Variants in PTPRD observed in about 807,000 individuals in gnomAD.
PTPRD encodes the protein protein tyrosine phosphatase receptor type D, also known as receptor-type tyrosine-protein phosphatase delta.
Under a neutral mutation model 214.5 loss-of-function variants are expected in PTPRD, and 34 were observed. That is an observed-to-expected ratio of 0.16 (90% CI 0.12 to 0.21). The LOEUF (loss-of-function observed/expected upper bound fraction) is 0.21, where lower values mean the gene tolerates loss of function less well. PTPRD is among the 10% of genes least tolerant of loss of function. The pLI is 1.00. For missense variants in PTPRD, 2,545 were observed against 2,398.7 expected (o/e 1.06, Z -1.27); for synonymous variants, 1,128 against 845.7 (o/e 1.33, Z -5.79).
intron 3 of PTPRD, among the ~76,000 whole-genome samples, chr9:10,194,345 T>TATATATAG (rs2099388529): frequency 2.5e-5 from 1 of 39,844 alleles, no homozygotes; most frequent in African/African-American, 7.7e-5. Flanking sequence ...TATATATATA[T>TATATATAG]AGAGAGAGAG....
intron 3 of PTPRD, among the ~76,000 whole-genome samples, chr9:10,201,356 G>GA (rs973790174): frequency 4.6e-5 from 7 of 151,698 alleles, no homozygotes; most frequent in African/African-American, 7.2e-5. Context: ...TTCAAAATTT[G>GA]AAAAAAATCT....
chr9:8,377,536 T>C, intron 37 of PTPRD, among the ~76,000 whole-genome samples: 1 of 152,052 alleles, frequency 6.6e-6, no homozygotes, highest in Non-Finnish European at 1.5e-5. Flanking sequence ...TAATGAAAAG[T>C]AACAAACACA....
chr9:10,285,169 G>A (rs536587136), intron 3 of PTPRD, among the ~76,000 whole-genome samples: 273 of 152,244 alleles, frequency 1.8e-3, no homozygotes, highest in African/African-American at 5.9e-3. Context: ...AAGTTAAAAT[G>A]TAAAATAACC....
intron 14 of PTPRD, among the ~76,000 whole-genome samples, chr9:8,569,839 T>G (rs1321304244): frequency 6.6e-6 from 1 of 152,144 alleles, no homozygotes; most frequent in Non-Finnish European, 1.5e-5. Flanking sequence ...TCCATTTGAA[T>G]TATAAATTCA....
At chr9:8,926,549 G>A (rs1379605206) in intron 11 of PTPRD, among the ~76,000 whole-genome samples, 1 of 152,090 alleles carries the variant, frequency 6.6e-6, no homozygotes, top group Admixed American at 6.6e-5. Context: ...CTTATTCACA[G>A]AGCCCAACTC....
chr9:10,588,892 T>C (rs933053712), intron 2 of PTPRD, among the ~76,000 whole-genome samples: 1 of 152,116 alleles, frequency 6.6e-6, no homozygotes, highest in Non-Finnish European at 1.5e-5. Flanking sequence ...CAGTATCTAA[T>C]ATATTTTTTC....
intron 7 of PTPRD, among the ~76,000 whole-genome samples, chr9:9,680,264 G>T (rs1313223083): frequency 6.6e-6 from 1 of 151,792 alleles, no homozygotes; most frequent in Non-Finnish European, 1.5e-5. Flanking sequence ...TACATTTTCT[G>T]ATTTGCAAGA....
chr9:9,296,056 C>T (rs558372391), intron 9 of PTPRD, among the ~76,000 whole-genome samples: 36 of 151,804 alleles, frequency 2.4e-4, no homozygotes, highest in Admixed American at 1.9e-3. Flanking sequence ...ATGATCTCAT[C>T]GGGCACATTC....
intron 2 of PTPRD, among the ~76,000 whole-genome samples, chr9:10,361,641 A>C (rs940718375): frequency 1.3e-5 from 2 of 152,212 alleles, no homozygotes; most frequent in African/African-American, 4.8e-5. Flanking sequence ...CTTGGAAAAG[A>C]AACAAAATTC....
intron 39 of PTPRD, among the ~76,000 whole-genome samples, chr9:8,359,580 T>A (rs1323441336): frequency 6.6e-6 from 1 of 152,128 alleles, no homozygotes; most frequent in Non-Finnish European, 1.5e-5. Context: ...GTACTCCACC[T>A]GCCTCAGCCT....
At chr9:9,235,480 T>C (rs1378285937) in intron 9 of PTPRD, among the ~76,000 whole-genome samples, 1 of 152,184 alleles carries the variant, frequency 6.6e-6, no homozygotes, top group Non-Finnish European at 1.5e-5. Flanking sequence ...TCTTTGTGTC[T>C]TTCAGCCTTC....
At chr9:9,506,752 T>C (rs572604162) in intron 8 of PTPRD, among the ~76,000 whole-genome samples, 7 of 151,492 alleles carry the variant, frequency 4.6e-5, no homozygotes, top group African/African-American at 1.4e-4. Context: ...TAATGCAAGT[T>C]ACAAGGCTCT....
At chr9:9,547,346 T>C (rs1033625826) in intron 8 of PTPRD, among the ~76,000 whole-genome samples, 1 of 152,050 alleles carries the variant, frequency 6.6e-6, no homozygotes, top group Non-Finnish European at 1.5e-5. Flanking sequence ...AATAAACATC[T>C]TTTTCTTTTG....
intron 11 of PTPRD, among the ~76,000 whole-genome samples, chr9:8,862,927 T>TG (rs890725048): frequency 4.9e-4 from 62 of 125,306 alleles, no homozygotes; most frequent in Non-Finnish European, 7.0e-4. Context: ...TGTGGGGTGG[T>TG]GGGGGGGAGG....
At chr9:10,289,659 A>G (rs758896768) in intron 3 of PTPRD, among the ~76,000 whole-genome samples, 3 of 152,230 alleles carry the variant, frequency 2.0e-5, no homozygotes, top group Non-Finnish European at 4.4e-5. Context: ...AAGGTTCTTT[A>G]TTCAACACAG....
chr9:8,761,487 G>A (rs945279486), intron 11 of PTPRD, among the ~76,000 whole-genome samples: 2 of 152,134 alleles, frequency 1.3e-5, no homozygotes, highest in Admixed American at 1.3e-4. Context: ...GAGAGAGCAA[G>A]CAAGCTAAAT....
intron 5 of PTPRD, among the ~76,000 whole-genome samples, chr9:9,929,189 G>GGGGA (rs1476557266): frequency 6.6e-6 from 1 of 152,036 alleles, no homozygotes; most frequent in Non-Finnish European, 1.5e-5. Context: ...GTGCATACTG[G>GGGGA]GGGAGAAGAA....
chr9:9,321,674 T>A lies in PTPRD; in HGVS notation c.-203+75775A>T, dbSNP rs535454097. ...TATTTAGCTTCAGAGATTGACCATT[T>A]TCATTTACATCTAACTTTCCAGTAT... On this transcript the variant is annotated intron_variant, in intron 9 of 45. Coordinates refer to ENST00000381196, the MANE Select transcript of PTPRD (RefSeq NM_002839.4). 5.3e-5 allele frequency among the ~76,000 whole-genome samples: 8 copies of A among 152,326 alleles called. No individual in the cohort carries two copies. The East Asian group carries it at 1.5e-3, about 29-fold the overall frequency.
chr9:8,521,557 A>T lies in PTPRD; in HGVS notation c.692-11T>A, dbSNP rs772997491. On this transcript the variant is annotated splice_polypyrimidine_tract_variant and intron_variant, in intron 19 of 45. Transcript: ENST00000381196. ...GTGGGACACGGCGAACTGGAACAAA[A>T]CACAAGGGAAATGATAACATATACA... is the stretch of plus-strand genomic sequence containing the variant. The T allele has an allele frequency of 1.2e-6, 2 of 1,611,396 alleles. No individual in the cohort carries two copies. Among genetic ancestry groups the T allele is most frequent in the South Asian group, 2.2e-5 (2 of 90,908 alleles).
Sources: allele counts gnomAD v4.1 joint callset (sites outside exome capture counted in the v4.1 genomes callset), GRCh38; gene constraint gnomAD v4.1.1; transcripts MANE v1.5; gene names NCBI Gene and HGNC (gene_info 2026-07-23, HGNC 2026-07-21).